Variants in FBXO34 observed in about 807,000 individuals in gnomAD.
FBXO34 encodes F-box only protein 34.
In FBXO34, 12 loss-of-function variants were observed where a neutral mutation model predicts 24.5. The observed-to-expected ratio is 0.49, with a 90% CI of 0.31 to 0.79. FBXO34 has a LOEUF of 0.79. Among genes scored for constraint, FBXO34 ranks in the 30% least tolerant of loss-of-function variants. The probability of loss-of-function intolerance (pLI) is 0.04; values close to 1 mark genes in which losing one functional copy is unlikely to be tolerated. For synonymous variants in FBXO34, 320 were observed against 311.9 expected, an observed-to-expected ratio of 1.03 and a Z score of -0.27; for missense variants, 823 against 857.7, an observed-to-expected ratio of 0.96 and a Z score of 0.51.
chr14:55,413,890 T>C, the FBXO34 span: 1 of 449,496 alleles, frequency 2.2e-6, no homozygotes, highest in Non-Finnish European at 4.3e-6. Context: ...TTTGCTGTGG[T>C]AACATTTGCG....
At chr14:55,375,060 C>A in the FBXO34 span, among the ~76,000 whole-genome samples, 1 of 152,192 alleles carries the variant, frequency 6.6e-6, no homozygotes, top group Non-Finnish European at 1.5e-5. Flanking sequence ...CAACACTGAG[C>A]CTTCTCATCC....
At chr14:55,392,747 T>C in the FBXO34 span, among the ~76,000 whole-genome samples, 3 of 151,868 alleles carry the variant, frequency 2.0e-5, no homozygotes, top group Non-Finnish European at 4.4e-5. Context: ...CTTAAAACAA[T>C]GCTCAAATGT....
intron 1 of FBXO34, among the ~76,000 whole-genome samples, chr14:55,279,570 A>G (rs1368997490): frequency 6.6e-6 from 1 of 152,248 alleles, no homozygotes; most frequent in Admixed American, 6.5e-5. Context: ...AATTCTATAT[A>G]TAAACCCTTG....
At chr14:55,357,101 A>G (rs1242561881), downstream of FBXO34, among the ~76,000 whole-genome samples, 1 of 152,188 alleles carries the variant, frequency 6.6e-6, no homozygotes, top group Non-Finnish European at 1.5e-5. Context: ...ATTTGTGGCC[A>G]TAGCTGATGT....
At chr14:55,436,394 G>C in the FBXO34 span, among the ~76,000 whole-genome samples, 2 of 152,126 alleles carry the variant, frequency 1.3e-5, no homozygotes, top group Non-Finnish European at 2.9e-5. Context: ...TTGCCTTACA[G>C]ATAATCAAAC....
chr14:55,381,945 G>A, the FBXO34 span: 2 of 1,593,326 alleles, frequency 1.3e-6, no homozygotes, highest in East Asian at 2.2e-5. Flanking sequence ...GATTTCAAAG[G>A]ATATGCTGCT....
rs1273073105 is a variant in FBXO34, at chr14:55,326,839, G to A, written c.-10-23542G>A. Among the ~76,000 whole-genome samples the A allele has an allele frequency of 2.0e-5, 3 of 152,142 alleles. No homozygotes were observed. In the East Asian group the frequency reaches 5.8e-4, roughly 29 times the overall value. On this transcript the variant is annotated intron_variant, in intron 1 of 1. Transcript: ENST00000313833. ...ACTTTAGGGATGTTTTGATGTTAATGAGGACAAAACAGTTGGTATAATTTT... is the reference window on the plus strand; with the variant it reads ...ACTTTAGGGATGTTTTGATGTTAATAAGGACAAAACAGTTGGTATAATTTT...
the FBXO34 span, among the ~76,000 whole-genome samples, chr14:55,434,173 C>G: frequency 1.3e-5 from 2 of 152,108 alleles, no homozygotes; most frequent in Non-Finnish European, 2.9e-5. Context: ...AAAGGCTCAC[C>G]AAGACTTCAG....
intron 1 of FBXO34, among the ~76,000 whole-genome samples, chr14:55,328,846 G>T (rs144744945): frequency 6.6e-6 from 1 of 152,264 alleles, no homozygotes; most frequent in East Asian, 1.9e-4. Flanking sequence ...GTATGATAGG[G>T]TGTGTGTTTG....
At chr14:55,320,265 C>G (rs1467069834) in intron 1 of FBXO34, among the ~76,000 whole-genome samples, 1 of 152,132 alleles carries the variant, frequency 6.6e-6, no homozygotes, top group African/African-American at 2.4e-5. Context: ...TAAACTTGCT[C>G]AGGCGGTTGA....
At chr14:55,381,535 T>G in the FBXO34 span, among the ~76,000 whole-genome samples, 8,854 of 152,310 alleles carry the variant, frequency 0.058, 323 homozygotes, top group South Asian at 0.09. Flanking sequence ...ATAAAATGTG[T>G]CTTATCCATA....
At chr14:55,358,996 A>G (rs950832331) in intron 3 of FBXO34, among the ~76,000 whole-genome samples, 6 of 152,086 alleles carry the variant, frequency 3.9e-5, no homozygotes, top group Middle Eastern at 3.4e-3. Flanking sequence ...AGGAACAAAG[A>G]CATGGCAGGG....
intron 1 of FBXO34, among the ~76,000 whole-genome samples, chr14:55,277,911 AT>A (rs1157068301): frequency 2.0e-5 from 3 of 151,970 alleles, no homozygotes; most frequent in Non-Finnish European, 4.4e-5. Flanking sequence ...AGCAAACAGG[AT>A]TTATTGAGAG....
chr14:55,360,813 C>T (rs972414108), intron 3 of FBXO34, among the ~76,000 whole-genome samples: 7 of 151,844 alleles, frequency 4.6e-5, no homozygotes, highest in Middle Eastern at 3.4e-3. Flanking sequence ...GCTTGGCCAA[C>T]GTGGTGAAAC....
At chr14:55,272,609 C>T (rs1881193436) in intron 1 of FBXO34, among the ~76,000 whole-genome samples, 2 of 140,604 alleles carry the variant, frequency 1.4e-5, no homozygotes, top group Admixed American at 1.4e-4. Context: ...GAGAGTGGAT[C>T]TTACATGATT....
At chr14:55,341,423 A>G (rs1017599850) in intron 1 of FBXO34, among the ~76,000 whole-genome samples, 1 of 152,224 alleles carries the variant, frequency 6.6e-6, no homozygotes, top group Non-Finnish European at 1.5e-5. Flanking sequence ...GATCTTTGTC[A>G]TATGGAAAAA....
At chr14:55,361,653 T>C (rs973009633) in intron 3 of FBXO34, 2 of 152,264 alleles carry the variant, frequency 1.3e-5, no homozygotes, top group African/African-American at 2.4e-5. Context: ...ATCTGTTGTT[T>C]AGTGTAACCA....
the FBXO34 span, among the ~76,000 whole-genome samples, chr14:55,393,490 C>G: frequency 6.6e-6 from 1 of 151,870 alleles, no homozygotes; most frequent in Non-Finnish European, 1.5e-5. Flanking sequence ...TAGCCTGACT[C>G]CTTCCCATTT....
chr14:55,296,402 T>TTTTTG (rs1566544418), intron 1 of FBXO34, among the ~76,000 whole-genome samples: 1 of 136,724 alleles, frequency 7.3e-6, no homozygotes, highest in Non-Finnish European at 1.6e-5. Flanking sequence ...TTTTTTTTTT[T>TTTTTG]TTTTTTTTTT....
Sources: gnomAD v4.1 joint callset for allele counts (sites outside exome capture counted in the v4.1 genomes callset) on GRCh38, gnomAD v4.1.1 for gene constraint, MANE v1.5 for transcripts, NCBI Gene and HGNC (gene_info 2026-07-23, HGNC 2026-07-21) for gene names.